The following MCC variants were observed in gnomAD, a reference collection of about 807,000 sequenced individuals.
The protein encoded by MCC is MCC regulator of Wnt signaling pathway.
MCC carries 90 observed loss-of-function variants against 116.2 expected under a neutral mutation model. That is an observed-to-expected ratio of 0.77 (90% CI 0.65 to 0.92). MCC has a LOEUF of 0.92. MCC is among the 40% of genes least tolerant of loss of function. MCC has a pLI of 0.00. For missense variants in MCC, 1,516 were observed against 1,312.2 expected, an observed-to-expected ratio of 1.16 and a Z score of -2.40; for synonymous variants, 578 against 510.5, an observed-to-expected ratio of 1.13 and a Z score of -1.78.
chr5:113,272,346 T>C (rs562359237), intron 3 of MCC, among the ~76,000 whole-genome samples: 1 of 152,212 alleles, frequency 6.6e-6, no homozygotes, highest in Non-Finnish European at 1.5e-5. Context: ...ACCACTCATC[T>C]GAATAAATAC....
chr5:113,273,768 G>A (rs17378053), intron 3 of MCC, among the ~76,000 whole-genome samples: 9,033 of 152,046 alleles, frequency 0.059, 363 homozygotes, highest in Middle Eastern at 0.11. Flanking sequence ...CTAGGCAAAT[G>A]GTCACAATAA....
At chr5:113,073,480 G>T (rs1170712751) in intron 11 of MCC, among the ~76,000 whole-genome samples, 1 of 152,188 alleles carries the variant, frequency 6.6e-6, no homozygotes, top group African/African-American at 2.4e-5. Flanking sequence ...CGAATAAAGA[G>T]TAAAATTTGT....
chr5:113,271,207 C>T (rs1765605927), intron 3 of MCC, among the ~76,000 whole-genome samples: 1 of 152,110 alleles, frequency 6.6e-6, no homozygotes, highest in Admixed American at 6.5e-5. Flanking sequence ...CCTGTGGATT[C>T]CTATGCGCTT....
intron 1 of MCC, among the ~76,000 whole-genome samples, chr5:113,408,109 G>C (rs1021802803): frequency 3.3e-5 from 5 of 152,092 alleles, no homozygotes; most frequent in African/African-American, 1.2e-4. Flanking sequence ...TCATCTGAAA[G>C]GTAGATATCT....
At chr5:113,062,033 A>G (rs941692488) in intron 14 of MCC, among the ~76,000 whole-genome samples, 3 of 152,152 alleles carry the variant, frequency 2.0e-5, no homozygotes, top group African/African-American at 7.2e-5. Context: ...GGAGTGACAA[A>G]TGAATGCCTC....
At chr5:113,257,464 G>A (rs1195395853) in intron 3 of MCC, among the ~76,000 whole-genome samples, 1 of 152,090 alleles carries the variant, frequency 6.6e-6, no homozygotes, top group Non-Finnish European at 1.5e-5. Flanking sequence ...GAAGAAGAGG[G>A]AGCAATCATT....
At chr5:113,255,347 C>A (rs977571402) in intron 3 of MCC, among the ~76,000 whole-genome samples, 2 of 152,116 alleles carry the variant, frequency 1.3e-5, no homozygotes, top group African/African-American at 4.8e-5. Flanking sequence ...CCTATGAAAG[C>A]CACATATTAA....
chr5:113,330,429 A>G (rs1244498195), intron 3 of MCC, among the ~76,000 whole-genome samples: 2 of 152,226 alleles, frequency 1.3e-5, no homozygotes, highest in African/African-American at 4.8e-5. Context: ...CAAAGATGCA[A>G]AGATAGAAAA....
chr5:113,180,691 T>C (rs1761582816), intron 3 of MCC, among the ~76,000 whole-genome samples: 1 of 152,228 alleles, frequency 6.6e-6, no homozygotes, highest in African/African-American at 2.4e-5. Context: ...TTTATGTATA[T>C]GTTAGATCTC....
intron 11 of MCC, among the ~76,000 whole-genome samples, chr5:113,081,485 T>C (rs897850598): frequency 6.6e-6 from 1 of 152,158 alleles, no homozygotes; most frequent in Non-Finnish European, 1.5e-5. Flanking sequence ...CCTGGGTGTA[T>C]ATAACGGAGT....
intron 17 of MCC, among the ~76,000 whole-genome samples, chr5:113,037,053 A>G (rs920530057): frequency 6.6e-6 from 1 of 152,240 alleles, no homozygotes; most frequent in African/African-American, 2.4e-5. Context: ...ATAAAACAGC[A>G]CCTTTTACAA....
intron 13 of MCC, among the ~76,000 whole-genome samples, chr5:113,065,671 A>G (rs1753553910): frequency 6.6e-6 from 1 of 152,202 alleles, no homozygotes; most frequent in South Asian, 2.1e-4. Context: ...GAATGAAAGA[A>G]TGAACAGAAT....
intron 11 of MCC, among the ~76,000 whole-genome samples, chr5:113,077,728 A>G (rs1284230619): frequency 6.6e-6 from 1 of 152,236 alleles, no homozygotes; most frequent in African/African-American, 2.4e-5. Flanking sequence ...TCGACACCCT[A>G]ACATCACAAT....
chr5:113,208,567 T>TCAGATGGG (rs1763001852), intron 3 of MCC, among the ~76,000 whole-genome samples: 1 of 152,136 alleles, frequency 6.6e-6, no homozygotes, highest in South Asian at 2.1e-4. Flanking sequence ...AGACTTCCAT[T>TCAGATGGG]ACTATCTGAA....
intron 1 of MCC, among the ~76,000 whole-genome samples, chr5:113,407,683 GT>G (rs759062469): frequency 1.3e-5 from 2 of 152,066 alleles, no homozygotes; most frequent in African/African-American, 4.8e-5. Context: ...GAATGTGCAG[GT>G]TTGTTACATA....
chr5:113,205,418 T>C (rs529211951), intron 3 of MCC, among the ~76,000 whole-genome samples: 1 of 152,168 alleles, frequency 6.6e-6, no homozygotes, highest in Non-Finnish European at 1.5e-5. Flanking sequence ...ATAGAGAAGG[T>C]GGACAAAACA....
chr5:113,094,099 C>T (rs909845467), intron 8 of MCC, among the ~76,000 whole-genome samples: 4 of 152,130 alleles, frequency 2.6e-5, no homozygotes, highest in Non-Finnish European at 5.9e-5. Context: ...GAGAACCACA[C>T]CTCTTATTGG....
Position 113,084,186 on chromosome 5 carries a change from G to A in MCC, c.1550C>T (p.Ala517Val). ...SSNDIPIAKI[A>V]ERVKLSKTRS... Reference sequence around the variant, plus strand: ...TGTCTTTGATAGCTTCACCCTCTCAGCAATCTTAAAAAAGAAAACAAAACA... The same window carrying A: ...TGTCTTTGATAGCTTCACCCTCTCAACAATCTTAAAAAAGAAAACAAAACA... The change falls in exon 10 of 19, where the codon GCT becomes GTT. Residue 517 changes from alanine to valine, a missense_variant. Coordinates refer to ENST00000408903, the MANE Select transcript of MCC (RefSeq NM_001085377.2). 1 of 1,613,458 alleles carries A rather than the reference G, an allele frequency of 6.2e-7. No homozygotes were observed. The highest frequency in any genetic ancestry group is 8.5e-7 in the Non-Finnish European group (1 of 1,179,456).
chr5:113,339,408 A>AGT (rs60886614), intron 3 of MCC, among the ~76,000 whole-genome samples: 26,458 of 123,506 alleles, frequency 0.21, 2,729 homozygotes, highest in Non-Finnish European at 0.27. Context: ...AGGCTTCCTT[A>AGT]GTGTGTGTGT....
Sources: gnomAD v4.1 joint callset for allele counts (sites outside exome capture counted in the v4.1 genomes callset) on GRCh38, gnomAD v4.1.1 for gene constraint, MANE v1.5 for transcripts, NCBI Gene and HGNC (gene_info 2026-07-23, HGNC 2026-07-21) for gene names.